The following MORC3 variants were observed in gnomAD, a reference collection of about 807,000 sequenced individuals.
MORC3 encodes MORC family CW-type zinc finger protein 3.
In MORC3, 31 loss-of-function variants were observed where a neutral mutation model predicts 109.1. The observed-to-expected ratio is 0.28, with a 90% CI of 0.21 to 0.38. MORC3 has a LOEUF of 0.38. Ranked by LOEUF, MORC3 falls within the 10% of genes least tolerant of loss-of-function variation. MORC3 has a pLI of 1.00. For synonymous variants in MORC3, 395 were observed against 380.7 expected, an observed-to-expected ratio of 1.04 and a Z score of -0.44; for missense variants, 867 against 1,135.8, an observed-to-expected ratio of 0.76 and a Z score of 3.40.
At chr21:36,328,974 A>G (rs1210692166) in intron 1 of MORC3, among the ~76,000 whole-genome samples, 1 of 151,874 alleles carries the variant, frequency 6.6e-6, no homozygotes, top group African/African-American at 2.4e-5. Context: ...AAAAAAAATC[A>G]CGAAAGAAAC....
At chr21:36,368,001 G>T (rs1346907539) in intron 14 of MORC3, among the ~76,000 whole-genome samples, 4 of 152,140 alleles carry the variant, frequency 2.6e-5, no homozygotes, top group Non-Finnish European at 4.4e-5. Context: ...GCTGTTGCAG[G>T]CTGTGCTCGC....
intron 9 of MORC3, among the ~76,000 whole-genome samples, chr21:36,349,992 T>G (rs1444603178): frequency 6.6e-6 from 1 of 152,010 alleles, no homozygotes; most frequent in South Asian, 2.1e-4. Context: ...CTAGAGACAA[T>G]AAATTGGTAA....
In MORC3 at chr21:36,369,005, C is replaced by T. The variant is rs747451090; in HGVS notation, c.1637C>T (p.Ser546Phe). 2 of 1,609,018 alleles carry T rather than the reference C, an allele frequency of 1.2e-6. No individual in the cohort carries two copies. The highest frequency in any genetic ancestry group is 2.2e-5 in the South Asian group (2 of 90,546). The stretch of plus-strand genomic sequence containing the variant: ...TTTTTCAGCTTGAAACGGAGACTTT[C>T]TACTCGTTCCTCAATTTTGAATGCA... ...PESNSLKRRLSTRSSILNAKN... is the reference protein window; with the variant it reads ...PESNSLKRRLFTRSSILNAKN... Residue 546 changes from serine to phenylalanine, a missense_variant, in exon 15 of 17, where the codon TCT (serine) becomes TTT (phenylalanine). Around this residue, in one of 7 missense-constraint regions of MORC3, gnomAD observed 486 missense variants for 502.1 expected, o/e 0.97. Coordinates refer to ENST00000400485, the MANE Select transcript of MORC3 (RefSeq NM_015358.3).
chr21:36,375,026 T>G, intron 16 of MORC3, 117 bp from the exon 17 acceptor site: 2 of 1,112,986 alleles, frequency 1.8e-6, no homozygotes, highest in Non-Finnish European at 2.5e-6. Flanking sequence ...TTGCTTTTCC[T>G]TTTGTTTAAT....
intron 14 of MORC3, among the ~76,000 whole-genome samples, chr21:36,367,219 A>C (rs1367067881): frequency 2.0e-5 from 3 of 152,232 alleles, no homozygotes; most frequent in Non-Finnish European, 4.4e-5. Flanking sequence ...TGAGTAAGGG[A>C]AAGTTTGGAT....
chr21:36,356,576 G>C (rs753002250), intron 9 of MORC3, 44 bp from the exon 10 acceptor site: 3 of 1,295,066 alleles, frequency 2.3e-6, no homozygotes, highest in Non-Finnish European at 3.2e-6. Flanking sequence ...TATGATTTAT[G>C]TTTGAAAAGA....
At chr21:36,335,074 A>G (rs551891596) in intron 2 of MORC3, among the ~76,000 whole-genome samples, 22 of 152,180 alleles carry the variant, frequency 1.4e-4, no homozygotes, top group Non-Finnish European at 2.2e-4. Context: ...AGGCTGCAGC[A>G]GAGTGAGTCT....
intron 8 of MORC3, among the ~76,000 whole-genome samples, chr21:36,349,108 A>C (rs2085543978): frequency 6.6e-6 from 1 of 152,154 alleles, no homozygotes; most frequent in African/African-American, 2.4e-5. Flanking sequence ...CAGTGAGCCA[A>C]GATCATGCCA....
chr21:36,362,242 CTTT>C lies in MORC3; in HGVS notation c.1452+30_1452+32del, dbSNP rs143622574. 1.4e-3 allele frequency: 2,025 copies of C among 1,433,348 alleles called. No homozygotes were observed. Among genetic ancestry groups the C allele is most frequent in the Admixed American group, 6.1e-3 (252 of 41,584 alleles). The allele number at this position is 1,433,348 out of a possible 1,614,324, so 88.8% of individuals were successfully genotyped here. A position where few individuals can be genotyped will look rare whatever the true frequency, so the allele number is the denominator to read the frequency against. On this transcript the variant is annotated intron_variant, in intron 13 of 16. Transcript: ENST00000400485. ...ATGATCCCTCGGGTAATTAAGCCTT[CTTT>C]TTTTTTTTTTTTTTTAAATAGAGAT...
In MORC3 at chr21:36,366,298, T is replaced by G. The variant is rs141971122; in HGVS notation, c.1619+2039T>G. Among the ~76,000 whole-genome samples, 26 of 152,326 alleles carry G rather than the reference T, an allele frequency of 1.7e-4. No individual in the cohort carries two copies. In the East Asian group the frequency reaches 4.8e-3, roughly 28 times the overall value. On this transcript the variant is annotated intron_variant, in intron 14 of 16. Coordinates refer to ENST00000400485, the MANE Select transcript of MORC3 (RefSeq NM_015358.3). ...TGAGAACATGAAGTATTTGGTTTTC[T>G]GTTCCTGCCTTAATTCCCTTAGGAT...
In MORC3 at chr21:36,369,053, A is replaced by C; in HGVS notation, c.1685A>C (p.Gln562Pro). 6 of 1,614,076 alleles carry C rather than the reference A, an allele frequency of 3.7e-6. No homozygotes were observed. The highest frequency in any genetic ancestry group is 1.3e-5 in the African/African-American group (1 of 75,034). Residue 562 changes from glutamine to proline, a missense_variant, in exon 15 of 17, where the codon CAG becomes CCG. By Grantham distance (76) the Gln-to-Pro change is moderately conservative. Around this residue, in one of 7 missense-constraint regions of MORC3, gnomAD observed 486 missense variants for 502.1 expected, o/e 0.97. Transcript: ENST00000400485. ...LNAKNRRLSS[Q>P]FENSVYKGDD... ...GCAAAGAATCGGAGATTGAGTAGTC[A>C]GTTTGAAAATTCAGTTTATAAAGGT...
rs974301439 is a variant in MORC3, at chr21:36,333,454, T to A, written c.40-192T>A. ...GAACCAAGTCTTGGTGAGTAAGCTG[T>A]TTAGTTGGTTCCCAGTGTTATCTTC... On this transcript the variant is annotated intron_variant, in intron 1 of 16. Transcript: ENST00000400485. 10 of 587,334 alleles carry A rather than the reference T, an allele frequency of 1.7e-5. No individual in the cohort carries two copies. In the Middle Eastern group the frequency reaches 1.3e-3, roughly 79 times the overall value. 36.4% of individuals were successfully genotyped at this position (587,334 alleles called of 1,614,324 possible).
intron 1 of MORC3, among the ~76,000 whole-genome samples, chr21:36,326,131 C>T (rs561194020): frequency 4.6e-5 from 7 of 151,534 alleles, no homozygotes; most frequent in South Asian, 4.2e-4. Flanking sequence ...CGCTTGAACC[C>T]GGGAGGTGGA....
intron 2 of MORC3, among the ~76,000 whole-genome samples, chr21:36,336,326 T>G (rs1174088416): frequency 1.3e-5 from 2 of 152,116 alleles, no homozygotes; most frequent in Non-Finnish European, 2.9e-5. Flanking sequence ...CACTGCAACC[T>G]CTGCCTCCCA....
chr21:36,322,573 T>C (rs1265607336), intron 1 of MORC3, among the ~76,000 whole-genome samples: 1 of 152,084 alleles, frequency 6.6e-6, no homozygotes, highest in African/African-American at 2.4e-5. Context: ...AGTTTCACCA[T>C]GTTGGCCAGG....
intron 6 of MORC3, 90 bp from the exon 7 acceptor site, chr21:36,344,489 A>T: frequency 7.2e-7 from 1 of 1,386,012 alleles, no homozygotes; most frequent in South Asian, 1.4e-5. Flanking sequence ...ATCTTTTATC[A>T]AGTTAATAGG....
chr21:36,342,142 C>T (rs753837905), intron 6 of MORC3, among the ~76,000 whole-genome samples: 3 of 151,962 alleles, frequency 2.0e-5, no homozygotes, highest in South Asian at 2.1e-4. Flanking sequence ...GCAGGAGAGT[C>T]GCTTGAACCT....
intron 14 of MORC3, among the ~76,000 whole-genome samples, chr21:36,366,454 T>C (rs922131409): frequency 2.0e-5 from 3 of 152,092 alleles, no homozygotes; most frequent in Middle Eastern, 3.2e-3. Context: ...AAATTTTTGA[T>C]TAAACAACTT....
At chr21:36,360,564 C>T (rs2085702286) in intron 12 of MORC3, 1 of 375,462 alleles carries the variant, frequency 2.7e-6, no homozygotes, top group Non-Finnish European at 4.9e-6. Flanking sequence ...GAAGGTGTAA[C>T]AGAAGAGGTG....
Sources: gnomAD v4.1 joint callset for allele counts (sites outside exome capture counted in the v4.1 genomes callset) on GRCh38, gnomAD v4.1.1 for gene constraint, gnomAD v4.1.1 regional missense constraint, MANE v1.5 for transcripts, NCBI Gene and HGNC (gene_info 2026-07-23, HGNC 2026-07-21) for gene names.